Variants in CNOT6L observed in about 807,000 individuals in gnomAD.
CNOT6L encodes CCR4-NOT transcription complex subunit 6 like.
A neutral mutation model predicts 64.0 loss-of-function variants in CNOT6L; 7 were observed. The observed-to-expected ratio is 0.11, with a 90% CI of 0.06 to 0.21. The LOEUF is 0.21. Ranked by LOEUF, CNOT6L falls within the 10% of genes least tolerant of loss-of-function variation. CNOT6L has a pLI of 1.00. For synonymous variants in CNOT6L, 193 were observed against 243.4 expected (o/e 0.79, Z 1.93); for missense variants, 245 against 669.0 (o/e 0.37, Z 6.99).
chr4:77,819,551 C>CGGGCCCGGGGTCTCGGG (rs1734061724), upstream of CNOT6L: 2 of 481,426 alleles, frequency 4.2e-6, no homozygotes, highest in Non-Finnish European at 6.5e-6. Flanking sequence ...GCAGGGAACC[C>CGGGCCCGGGGTCTCGGG]GGGCCCGGGG....
At chr4:77,814,885 G>A (rs1192681786) in intron 1 of CNOT6L, among the ~76,000 whole-genome samples, 1 of 152,184 alleles carries the variant, frequency 6.6e-6, no homozygotes, top group Non-Finnish European at 1.5e-5. Flanking sequence ...TACTGTATTA[G>A]AGGTCCAGTG....
At chr4:77,804,053 A>G (rs1283997867) in intron 1 of CNOT6L, among the ~76,000 whole-genome samples, 4 of 152,184 alleles carry the variant, frequency 2.6e-5, no homozygotes, top group Non-Finnish European at 5.9e-5. Flanking sequence ...AAATGAAAAC[A>G]TACGTCTTCA....
At chr4:77,776,053 T>A (rs1728105794) in intron 2 of CNOT6L, among the ~76,000 whole-genome samples, 1 of 152,182 alleles carries the variant, frequency 6.6e-6, no homozygotes, top group South Asian at 2.1e-4. Flanking sequence ...AAACTCCCCA[T>A]ATCCTCAATT....
At chr4:77,722,585 T>G (rs1183867774) in intron 11 of CNOT6L, among the ~76,000 whole-genome samples, 1 of 152,166 alleles carries the variant, frequency 6.6e-6, no homozygotes, top group South Asian at 2.1e-4. Flanking sequence ...AGTGCCGTCA[T>G]GCACATCAAC....
chr4:77,756,987 T>C, intron 4 of CNOT6L, 36 bp from the exon 5 acceptor site: 2 of 1,130,906 alleles, frequency 1.8e-6, no homozygotes. Flanking sequence ...CTTTAAAACT[T>C]ATAACTGCAA....
chr4:77,729,399 T>C (rs555897589), intron 9 of CNOT6L, among the ~76,000 whole-genome samples: 5 of 152,310 alleles, frequency 3.3e-5, no homozygotes, highest in East Asian at 3.9e-4. Context: ...AGGTTTTCAG[T>C]TGAGTTACCT....
chr4:77,743,006 G>A (rs1164040037), intron 7 of CNOT6L, among the ~76,000 whole-genome samples: 1 of 151,946 alleles, frequency 6.6e-6, no homozygotes, highest in Non-Finnish European at 1.5e-5. Flanking sequence ...ATCAATATAC[G>A]TTCATATAAT....
chr4:77,726,095 G>A (rs773682070), intron 11 of CNOT6L, 72 bp downstream of exon 11: 2 of 1,331,226 alleles, frequency 1.5e-6, no homozygotes, highest in Non-Finnish European at 2.2e-6. Flanking sequence ...TAATCATAAA[G>A]AATTTACACC....
chr4:77,758,411 TG>T (rs1036346354), intron 4 of CNOT6L, among the ~76,000 whole-genome samples: 3 of 151,904 alleles, frequency 2.0e-5, no homozygotes, highest in African/African-American at 7.3e-5. Flanking sequence ...GTCACAAAGA[TG>T]GAAAACATAA....
At chr4:77,734,208 A>G (rs1174022049) in intron 8 of CNOT6L, among the ~76,000 whole-genome samples, 1 of 152,168 alleles carries the variant, frequency 6.6e-6, no homozygotes, top group Non-Finnish European at 1.5e-5. Flanking sequence ...CTGCATTTAT[A>G]GGTACTTCAA....
intron 5 of CNOT6L, among the ~76,000 whole-genome samples, chr4:77,750,317 A>G (rs528555288): frequency 6.6e-6 from 1 of 152,310 alleles, no homozygotes; most frequent in Admixed American, 6.5e-5. Flanking sequence ...CTTTTTTTAC[A>G]AAAGGATAAT....
intron 11 of CNOT6L, 57 bp from the exon 12 acceptor site, chr4:77,720,700 T>C: frequency 6.4e-6 from 10 of 1,568,396 alleles, no homozygotes; most frequent in African/African-American, 1.4e-5. Flanking sequence ...TAAAGAACAA[T>C]CCATAATTTA....
intron 11 of CNOT6L, among the ~76,000 whole-genome samples, chr4:77,725,786 G>A (rs893886919): frequency 1.3e-5 from 2 of 151,994 alleles, no homozygotes; most frequent in Admixed American, 6.6e-5. Context: ...TGCTATATTC[G>A]GTGCTTTTCT....
chr4:77,774,444 A>G, intron 3 of CNOT6L, 86 bp downstream of exon 3: 1 of 1,081,966 alleles, frequency 9.2e-7, no homozygotes, highest in South Asian at 1.6e-5. Flanking sequence ...CAACACACAG[A>G]AATCCTACTG....
intron 10 of CNOT6L, among the ~76,000 whole-genome samples, chr4:77,728,284 C>T (rs1722089184): frequency 6.6e-6 from 1 of 152,168 alleles, no homozygotes; most frequent in Non-Finnish European, 1.5e-5. Flanking sequence ...TTCTGGCTGC[C>T]CCTTCAGATC....
intron 1 of CNOT6L, among the ~76,000 whole-genome samples, chr4:77,778,551 G>A (rs114183831): frequency 0.014 from 2,127 of 152,040 alleles, 25 homozygotes; most frequent in Non-Finnish European, 0.022. Flanking sequence ...GGTTACGGGC[G>A]CGTGTCACCA....
At chr4:77,760,668 C>G (rs1456351393) in intron 4 of CNOT6L, among the ~76,000 whole-genome samples, 2 of 149,450 alleles carry the variant, frequency 1.3e-5, no homozygotes, top group East Asian at 1.9e-4. Context: ...CGAAAAGACA[C>G]AAATTATAAA....
chr4:77,729,200 A>C lies in CNOT6L; in HGVS notation c.1025-119T>G. 4.2e-6 allele frequency: 3 copies of C among 710,984 alleles called. No homozygotes were observed. The South Asian group carries it at 5.5e-5, about 13-fold the overall frequency. The allele number at this position is 710,984 out of a possible 1,614,324, so 44.0% of individuals were successfully genotyped here. On this transcript the variant is annotated intron_variant, in intron 9 of 11. Transcript: ENST00000504123. The stretch of plus-strand genomic sequence containing the variant: ...CTTCTTTACTCTTTTCCATGAATTT[A>C]TAACTTCCCTTTTATCTCATAAAGT...
intron 5 of CNOT6L, among the ~76,000 whole-genome samples, chr4:77,751,143 A>G (rs1172391865): frequency 2.6e-5 from 4 of 152,190 alleles, no homozygotes; most frequent in Non-Finnish European, 5.9e-5. Context: ...TGAACAAGTA[A>G]TTACAAATAT....
Sources: allele counts gnomAD v4.1 joint callset (sites outside exome capture counted in the v4.1 genomes callset), GRCh38; gene constraint gnomAD v4.1.1; transcripts MANE v1.5; gene names NCBI Gene and HGNC (gene_info 2026-07-23, HGNC 2026-07-21).